Variants in GPM6A observed in about 807,000 individuals in gnomAD.
GPM6A encodes the protein glycoprotein M6A, also known as neuronal membrane glycoprotein M6-a.
In GPM6A, 7 loss-of-function variants were observed where a neutral mutation model predicts 32.1. That is an observed-to-expected ratio of 0.22 (90% confidence interval 0.12 to 0.41). GPM6A has a LOEUF of 0.41. Ranked by LOEUF, GPM6A falls within the 10% of genes least tolerant of loss-of-function variation. The probability of loss-of-function intolerance (pLI) is 1.00; values close to 1 mark genes in which losing one functional copy is unlikely to be tolerated. For synonymous variants in GPM6A, 130 were observed against 123.4 expected (o/e 1.05, Z -0.35); for missense variants, 235 against 347.2 (o/e 0.68, Z 2.57).
At chr4:175,635,867 C>T (rs1740549195) in intron 6 of GPM6A, among the ~76,000 whole-genome samples, 2 of 152,026 alleles carry the variant, frequency 1.3e-5, no homozygotes. Context: ...CAGTTATTTA[C>T]ATTCTCTGAG....
At chr4:175,902,269 C>T (rs1048146108) in intron 1 of GPM6A, among the ~76,000 whole-genome samples, 9 of 152,042 alleles carry the variant, frequency 5.9e-5, no homozygotes, top group Non-Finnish European at 1.0e-4. Flanking sequence ...GATATGGGAG[C>T]TAAAAAGAAA....
intron 2 of GPM6A, among the ~76,000 whole-genome samples, chr4:175,681,316 G>A (rs1413421975): frequency 1.3e-5 from 2 of 151,956 alleles, no homozygotes; most frequent in African/African-American, 4.8e-5. Context: ...TGGTATCCTG[G>A]TATTGCTTTA....
chr4:175,708,775 A>G (rs1181369850), intron 1 of GPM6A, among the ~76,000 whole-genome samples: 1 of 152,246 alleles, frequency 6.6e-6, no homozygotes, highest in Non-Finnish European at 1.5e-5. Context: ...GTGAAGGTAT[A>G]GGGACATCAA....
intron 1 of GPM6A, among the ~76,000 whole-genome samples, chr4:175,974,939 C>T (rs1356932952): frequency 6.6e-6 from 1 of 152,248 alleles, no homozygotes; most frequent in Non-Finnish European, 1.5e-5. Context: ...CTGCCTCAGC[C>T]TCCCAAACTG....
At chr4:175,708,498 G>A (rs909344403) in intron 1 of GPM6A, among the ~76,000 whole-genome samples, 7 of 151,894 alleles carry the variant, frequency 4.6e-5, no homozygotes. Flanking sequence ...CGATTCTCCT[G>A]CCTCAGCCTC....
At chr4:175,722,653 AAC>A (rs1746201932) in intron 1 of GPM6A, among the ~76,000 whole-genome samples, 1 of 152,094 alleles carries the variant, frequency 6.6e-6, no homozygotes, top group African/African-American at 2.4e-5. Flanking sequence ...CCCGGCAGGT[AAC>A]AGAGTGAGAC....
At chr4:175,996,602 T>C (rs1741315251) in intron 1 of GPM6A, among the ~76,000 whole-genome samples, 1 of 152,224 alleles carries the variant, frequency 6.6e-6, no homozygotes, top group Non-Finnish European at 1.5e-5. Context: ...GAAACTATTT[T>C]GAGTGGAGCT....
chr4:175,918,369 TA>T (rs1738560960), intron 1 of GPM6A, among the ~76,000 whole-genome samples: 1 of 152,054 alleles, frequency 6.6e-6, no homozygotes, highest in Non-Finnish European at 1.5e-5. Flanking sequence ...GAAGAGGCTT[TA>T]GGAGAAAAAA....
chr4:175,891,675 GTT>G, intron 1 of GPM6A: 1 of 152,210 alleles, frequency 6.6e-6, no homozygotes, highest in Non-Finnish European at 1.5e-5. Flanking sequence ...CAGGACAGTA[GTT>G]ATTCCTTGAG....
intron 3 of GPM6A, among the ~76,000 whole-genome samples, chr4:175,661,673 G>A (rs73018168): frequency 0.05 from 7,546 of 152,212 alleles, 207 homozygotes; most frequent in Non-Finnish European, 0.061. Context: ...GGAAATAAAT[G>A]TTGGTACATC....
chr4:175,716,661 A>T (rs2111105142), intron 1 of GPM6A, among the ~76,000 whole-genome samples: 1 of 152,312 alleles, frequency 6.6e-6, no homozygotes, highest in East Asian at 1.9e-4. Context: ...ACAACAACAG[A>T]GAAAGAGTTA....
At chr4:175,857,012 G>T (rs1406175684) in intron 1 of GPM6A, among the ~76,000 whole-genome samples, 3 of 152,124 alleles carry the variant, frequency 2.0e-5, no homozygotes, top group African/African-American at 7.2e-5. Flanking sequence ...CCAGGACCCT[G>T]CCCTCTTCTA....
intron 1 of GPM6A, among the ~76,000 whole-genome samples, chr4:175,760,132 C>T (rs1732681282): frequency 2.0e-5 from 3 of 152,088 alleles, no homozygotes; most frequent in Admixed American, 2.0e-4. Context: ...GCGGAGATCA[C>T]TCCGCTATAC....
intron 1 of GPM6A, among the ~76,000 whole-genome samples, chr4:175,767,492 G>T (rs1029930123): frequency 6.6e-6 from 1 of 152,210 alleles, no homozygotes; most frequent in African/African-American, 2.4e-5. Flanking sequence ...AATCCTTGAT[G>T]AATTCTTCGT....
intron 1 of GPM6A, among the ~76,000 whole-genome samples, chr4:175,930,425 T>TG (rs138781978): frequency 0.016 from 2,052 of 124,808 alleles, 33 homozygotes; most frequent in East Asian, 0.068. Flanking sequence ...ATCTGTTTTT[T>TG]GGGGGGGGGT....
At chr4:175,822,662 G>GT (rs11413922) in intron 1 of GPM6A, among the ~76,000 whole-genome samples, 124,270 of 149,844 alleles carry the variant, frequency 0.83, 52,765 homozygotes, top group Middle Eastern at 0.95. Flanking sequence ...TTTTTTTTTT[G>GT]TTTTTTGAAA....
intron 1 of GPM6A, among the ~76,000 whole-genome samples, chr4:175,974,338 C>CTTGT (rs368018347): frequency 0.035 from 5,350 of 152,000 alleles, 198 homozygotes; most frequent in African/African-American, 0.1. Context: ...TCCTAAATGC[C>CTTGT]TTGTTTGTTT....
intron 2 of GPM6A, among the ~76,000 whole-genome samples, chr4:175,685,551 T>C (rs1743932413): frequency 6.6e-6 from 1 of 152,226 alleles, no homozygotes; most frequent in African/African-American, 2.4e-5. Context: ...GTTGCTGAAT[T>C]CTATTATTAT....
At chr4:175,638,431 C>T (rs1213547041) in intron 6 of GPM6A, among the ~76,000 whole-genome samples, 1 of 151,854 alleles carries the variant, frequency 6.6e-6, no homozygotes, top group Non-Finnish European at 1.5e-5. Flanking sequence ...ATGCTTAGTA[C>T]TTGAAAAAAT....
Sources: allele counts gnomAD v4.1 joint callset (sites outside exome capture counted in the v4.1 genomes callset), GRCh38; gene constraint gnomAD v4.1.1; transcripts MANE v1.5; gene names NCBI Gene and HGNC (gene_info 2026-07-23, HGNC 2026-07-21).